NREP: variants seen among roughly 807,000 people sequenced by gnomAD.
The protein encoded by NREP is neuronal regeneration-related protein.
In NREP, 5 loss-of-function variants were observed where a neutral mutation model predicts 8.6. That is an observed-to-expected ratio of 0.58 (90% CI 0.30 to 1.22). The LOEUF (loss-of-function observed/expected upper bound fraction) is 1.22, where lower values mean the gene tolerates loss of function less well. Among genes scored for constraint, NREP ranks in the 50% most tolerant of loss-of-function variants. The probability of loss-of-function intolerance (pLI) is 0.07; values close to 1 mark genes in which losing one functional copy is unlikely to be tolerated. For synonymous variants in NREP, 27 were observed against 28.0 expected (o/e 0.96, Z 0.11); for missense variants, 86 against 82.5 (o/e 1.04, Z -0.17).
chr5:111,955,783 G>C (rs1756297919), intron 2 of NREP, among the ~76,000 whole-genome samples: 1 of 151,852 alleles, frequency 6.6e-6, no homozygotes, highest in East Asian at 1.9e-4. Flanking sequence ...TTGAGCTAAA[G>C]TCTAGCAACC....
chr5:111,826,217 G>C (rs1028570270), intron 2 of NREP, among the ~76,000 whole-genome samples: 1 of 152,134 alleles, frequency 6.6e-6, no homozygotes, highest in African/African-American at 2.4e-5. Flanking sequence ...TCAGCACTCT[G>C]TAGAAAACGA....
chr5:111,851,149 C>T (rs946287367), intron 2 of NREP, among the ~76,000 whole-genome samples: 34 of 152,262 alleles, frequency 2.2e-4, no homozygotes, highest in Middle Eastern at 3.4e-3. Context: ...TCAGTTCCAC[C>T]TCTGTACCTC....
chr5:111,801,421 T>G (rs1752004128), intron 2 of NREP, among the ~76,000 whole-genome samples: 1 of 152,232 alleles, frequency 6.6e-6, no homozygotes, highest in Non-Finnish European at 1.5e-5. Flanking sequence ...CCCTTCTCCC[T>G]TCTTTACTTG....
upstream of NREP, among the ~76,000 whole-genome samples, chr5:111,758,455 A>T (rs968762896): frequency 6.6e-6 from 1 of 152,238 alleles, no homozygotes; most frequent in Non-Finnish European, 1.5e-5. Context: ...ATCTTTTCAT[A>T]GTAATGTAAT....
intron 2 of NREP, among the ~76,000 whole-genome samples, chr5:111,797,485 T>C (rs1269162273): frequency 1.3e-5 from 2 of 152,186 alleles, no homozygotes; most frequent in African/African-American, 4.8e-5. Flanking sequence ...TCTGCATGAT[T>C]TGTCTTCCCT....
intron 2 of NREP, among the ~76,000 whole-genome samples, chr5:111,860,566 T>C (rs1002000045): frequency 6.6e-6 from 1 of 152,160 alleles, no homozygotes; most frequent in Non-Finnish European, 1.5e-5. Context: ...CCAGTCTCTC[T>C]CTCTCTCTCC....
chr5:111,959,797 C>A (rs1756432052), intron 2 of NREP, among the ~76,000 whole-genome samples: 1 of 152,008 alleles, frequency 6.6e-6, no homozygotes, highest in African/African-American at 2.4e-5. Flanking sequence ...ACCAGCAATT[C>A]CACTGATGTA....
intron 2 of NREP, among the ~76,000 whole-genome samples, chr5:111,894,721 A>G (rs563826492): frequency 6.6e-6 from 1 of 152,320 alleles, no homozygotes; most frequent in East Asian, 1.9e-4. Flanking sequence ...CTTACAGGCA[A>G]TGAAACCATG....
rs530275831 is a variant in NREP, at chr5:111,735,680, C to T, written c.4-173G>A. ...CAAACTGTTAGTGTGCTTCTGAACA[C>T]GCACTGCACTCAGGAGAGTTTCAGC... On this transcript the variant is annotated intron_variant, in intron 2 of 3. Transcript: ENST00000257435. 1.5e-4 allele frequency among the ~76,000 whole-genome samples: 23 copies of T among 152,362 alleles called. No individual in the cohort carries two copies. The Middle Eastern group carries it at 0.01, about 68-fold the overall frequency.
intron 2 of NREP, among the ~76,000 whole-genome samples, chr5:111,787,633 AG>A (rs1250203152): frequency 6.6e-6 from 1 of 152,238 alleles, no homozygotes; most frequent in Non-Finnish European, 1.5e-5. Flanking sequence ...TGAAGAAATC[AG>A]GCATGTAGTT....
chr5:111,757,770 C>T, upstream of NREP: 1 of 980,340 alleles, frequency 1.0e-6, no homozygotes, highest in Non-Finnish European at 1.2e-6. Flanking sequence ...GGCCTTCCTC[C>T]CCGCCCCCGG....
At chr5:111,865,523 C>T (rs1431229751) in intron 2 of NREP, among the ~76,000 whole-genome samples, 1 of 152,112 alleles carries the variant, frequency 6.6e-6, no homozygotes, top group African/African-American at 2.4e-5. Context: ...AATCACCTCG[C>T]CCAGTATTGC....
intron 2 of NREP, among the ~76,000 whole-genome samples, chr5:111,796,634 C>A (rs1751878533): frequency 1.3e-5 from 2 of 152,098 alleles, no homozygotes. Context: ...CTGCTTGAAG[C>A]CTACAACAGT....
intron 2 of NREP, among the ~76,000 whole-genome samples, chr5:111,972,480 G>T (rs1007630245): frequency 6.6e-6 from 1 of 152,136 alleles, no homozygotes; most frequent in African/African-American, 2.4e-5. Flanking sequence ...TGCTTTAATT[G>T]CAATGTCCAT....
chr5:111,780,201 G>A (rs1228655533), intron 2 of NREP, among the ~76,000 whole-genome samples: 2 of 152,154 alleles, frequency 1.3e-5, no homozygotes, highest in Non-Finnish European at 2.9e-5. Context: ...GGAGTAGGAA[G>A]CAAGAGTGAC....
chr5:111,961,501 A>G (rs1051533946), intron 2 of NREP, among the ~76,000 whole-genome samples: 2 of 152,234 alleles, frequency 1.3e-5, no homozygotes, highest in Admixed American at 1.3e-4. Context: ...AATGGTAAAG[A>G]CATGCTCTGA....
At chr5:111,954,620 A>G (rs1756258618) in intron 2 of NREP, among the ~76,000 whole-genome samples, 1 of 152,154 alleles carries the variant, frequency 6.6e-6, no homozygotes, top group Non-Finnish European at 1.5e-5. Context: ...AAGCTCAAAA[A>G]ATATTGATGT....
chr5:111,973,331 G>A (rs1164220045), intron 2 of NREP, among the ~76,000 whole-genome samples: 2 of 152,100 alleles, frequency 1.3e-5, no homozygotes, highest in African/African-American at 4.8e-5. Flanking sequence ...GTGATGCTGA[G>A]CTATCTCTTA....
intron 2 of NREP, among the ~76,000 whole-genome samples, chr5:111,870,785 G>A (rs1167788970): frequency 6.6e-6 from 1 of 152,094 alleles, no homozygotes; most frequent in African/African-American, 2.4e-5. Context: ...GAGATATGCA[G>A]CTGCAAGCCA....
Sources: allele counts gnomAD v4.1 joint callset (sites outside exome capture counted in the v4.1 genomes callset), GRCh38; gene constraint gnomAD v4.1.1; transcripts MANE v1.5; gene names NCBI Gene and HGNC (gene_info 2026-07-23, HGNC 2026-07-21).